The following NFX1 variants were observed in gnomAD, a reference collection of about 807,000 sequenced individuals.
NFX1 encodes the protein transcriptional repressor NF-X1.
Under a neutral mutation model 137.2 loss-of-function variants are expected in NFX1, and 69 were observed. The observed-to-expected ratio is 0.50, with a 90% CI of 0.41 to 0.61. The LOEUF (loss-of-function observed/expected upper bound fraction) is 0.61, where lower values mean the gene tolerates loss of function less well. Among genes scored for constraint, NFX1 ranks in the 20% least tolerant of loss-of-function variants. NFX1 has a pLI of 0.00. For missense variants in NFX1, 1,167 were observed against 1,391.0 expected (o/e 0.84, Z 2.56); for synonymous variants, 495 against 474.1 (o/e 1.04, Z -0.57).
Position 33,309,370 on chromosome 9 carries a change from A to G in NFX1, c.1377-1736A>G, listed in dbSNP as rs865984093. 6.2e-3 allele frequency among the ~76,000 whole-genome samples: 940 copies of G among 152,256 alleles called. 15 individuals are homozygous for G. The highest frequency in any genetic ancestry group is 0.021 in the African/African-American group (868 of 41,548). The stretch of plus-strand genomic sequence containing the variant: ...AGACTCCGTCTCAGAGAAAAAAAAA[A>G]AAAACTTAATCCTCTGCATGGACTA... On this transcript the variant is annotated intron_variant, in intron 5 of 23. Coordinates refer to ENST00000379540, the MANE Select transcript of NFX1 (RefSeq NM_002504.6).
At chr9:33,347,729 G>A (rs540459449) in intron 15 of NFX1, 8 of 426,832 alleles carry the variant, frequency 1.9e-5, no homozygotes, top group South Asian at 8.4e-5. Context: ...ACCTGCACAC[G>A]CATGTTTATA....
chr9:33,292,411 A>T (rs1821195978), intron 1 of NFX1, among the ~76,000 whole-genome samples: 1 of 152,206 alleles, frequency 6.6e-6, no homozygotes, highest in African/African-American at 2.4e-5. Flanking sequence ...TGGACTTTGT[A>T]ATCTGCCAGT....
At chr9:33,341,502 G>A (rs1056217814) in intron 12 of NFX1, among the ~76,000 whole-genome samples, 1 of 152,132 alleles carries the variant, frequency 6.6e-6, no homozygotes, top group South Asian at 2.1e-4. Context: ...AGTACCAATA[G>A]CAAGGTAGTA....
chr9:33,324,384 AAATAAT>A (rs909940405), intron 9 of NFX1, among the ~76,000 whole-genome samples: 1 of 151,986 alleles, frequency 6.6e-6, no homozygotes, highest in Admixed American at 6.6e-5. Flanking sequence ...ATCTCAAAAA[AAATAAT>A]AATAATTAAA....
At chr9:33,351,384 C>G (rs544315830) in intron 15 of NFX1, among the ~76,000 whole-genome samples, 176 bp from the exon 16 acceptor site, 63 of 150,006 alleles carry the variant, frequency 4.2e-4, no homozygotes, top group Admixed American at 8.0e-4. Flanking sequence ...CACCTGAGCC[C>G]CAGGAAAGTC....
intron 9 of NFX1, among the ~76,000 whole-genome samples, chr9:33,324,244 C>A (rs667602): frequency 6.6e-6 from 1 of 151,888 alleles, no homozygotes; most frequent in East Asian, 1.9e-4. Context: ...CTGGGTGTGG[C>A]GGCACACGCC....
In NFX1 at chr9:33,326,846, A is replaced by T. The variant is rs1281325918; in HGVS notation, c.1907-1735A>T. On this transcript the variant is annotated intron_variant, in intron 9 of 23. Transcript: ENST00000379540. ...ATAACATATAGATGTGATATGTATA[A>T]CAATAACTGCACAAAAGGGGAGAAG... is the stretch of plus-strand genomic sequence containing the variant. Among the ~76,000 whole-genome samples the T allele has an allele frequency of 2.0e-5, 3 of 152,216 alleles. No homozygotes were observed. In the East Asian group the frequency reaches 5.8e-4, roughly 29 times the overall value.
chr9:33,343,484 G>A (rs1466032702), intron 13 of NFX1, among the ~76,000 whole-genome samples: 1 of 152,122 alleles, frequency 6.6e-6, no homozygotes, highest in Non-Finnish European at 1.5e-5. Context: ...AAAAAATCCA[G>A]CCTTACACAG....
rs781715242 is a variant in NFX1 at position 33,354,068 on chromosome 9, T to C, written c.2730-18T>C. On this transcript the variant is annotated intron_variant, in intron 17 of 23. Coordinates refer to ENST00000379540, the MANE Select transcript of NFX1 (RefSeq NM_002504.6). ...GAAACTGCAATGCCTCTTTTTCCCT[T>C]TCTTTTTTATATTTCAGAATAGCTG... 8 of 1,565,070 alleles carry C rather than the reference T, an allele frequency of 5.1e-6. No individual in the cohort carries two copies. The highest frequency in any genetic ancestry group is 6.9e-6 in the Non-Finnish European group (8 of 1,155,282).
Position 33,366,686 on chromosome 9 carries a change from A to G in NFX1, c.3097A>G (p.Ile1033Val). 6.2e-7 allele frequency: 1 copy of G among 1,614,248 alleles called. No individual in the cohort carries two copies. Among genetic ancestry groups the G allele is most frequent in the Non-Finnish European group, 8.5e-7 (1 of 1,180,040 alleles). ...FPPMNRDHRR[I>V]IHDLAQVYGL... ...TCCCATGAACAGAGACCACCGCCGGATCATCCATGACTTGGCCCAAGTTTA... is the reference window on the plus strand; with the variant it reads ...TCCCATGAACAGAGACCACCGCCGGGTCATCCATGACTTGGCCCAAGTTTA... The change falls in exon 22 of 24, where the codon ATC (isoleucine) becomes GTC (valine). Residue 1033 changes from isoleucine (I) to valine (V), a missense_variant. By Grantham distance (29) the Ile-to-Val change is conservative. Around this residue, in one of 3 missense-constraint regions of NFX1, gnomAD observed 312 missense variants for 312.8 expected, o/e 1.00. Coordinates refer to ENST00000379540, the MANE Select transcript of NFX1 (RefSeq NM_002504.6).
intron 12 of NFX1, among the ~76,000 whole-genome samples, chr9:33,340,488 G>T (rs1246162446): frequency 6.6e-6 from 1 of 152,234 alleles, no homozygotes; most frequent in Non-Finnish European, 1.5e-5. Flanking sequence ...GGAAGGGGCT[G>T]CCATGAAGAC....
intron 9 of NFX1, among the ~76,000 whole-genome samples, chr9:33,324,197 G>A (rs1822493185): frequency 6.6e-6 from 1 of 152,038 alleles, no homozygotes; most frequent in African/African-American, 2.4e-5. Flanking sequence ...TGGCCAACAT[G>A]GTGAAATCTC....
At chr9:33,339,981 G>C (rs1823158387) in intron 12 of NFX1, among the ~76,000 whole-genome samples, 1 of 152,246 alleles carries the variant, frequency 6.6e-6, no homozygotes, top group Non-Finnish European at 1.5e-5. Flanking sequence ...TTCACAGGCT[G>C]TCATTGAGTG....
chr9:33,354,890 A>C lies in NFX1; in HGVS notation c.2871A>C (p.Lys957Asn). ...CDEECSALER[K>N]KRLAEAFHIS... ...AGGAGTGTTCAGCCTTGGAAAGGAA[A>C]AAGTAAGTAGTTGCAGCTGCTTTTT... Residue 957 changes from lysine (K) to asparagine (N), a missense_variant and splice_region_variant, in exon 19 of 24, where the codon AAA becomes AAC. Physicochemically the swap from Lys to Asn is moderately conservative, Grantham distance 94. This residue lies in a region of NFX1 where 312 missense variants were observed against 312.8 expected (regional missense o/e 1.00). Coordinates refer to ENST00000379540, the MANE Select transcript of NFX1 (RefSeq NM_002504.6). 1.2e-6 allele frequency: 2 copies of C among 1,613,988 alleles called. No homozygotes were observed. The highest frequency in any genetic ancestry group is 1.7e-6 in the Non-Finnish European group (2 of 1,179,966).
chr9:33,340,170 G>A (rs1219309594), intron 12 of NFX1, among the ~76,000 whole-genome samples: 1 of 152,238 alleles, frequency 6.6e-6, no homozygotes, highest in South Asian at 2.1e-4. Context: ...CTCCATGAGA[G>A]CCCCACCCCT....
At chr9:33,325,415 G>A (rs1822545528) in intron 9 of NFX1, among the ~76,000 whole-genome samples, 3 of 101,244 alleles carry the variant, frequency 3.0e-5, no homozygotes, top group Non-Finnish European at 7.6e-5. Context: ...TGTAATCCCA[G>A]CACTTTGAGA....
At chr9:33,360,386 A>G (rs1823950055) in intron 19 of NFX1, among the ~76,000 whole-genome samples, 1 of 152,208 alleles carries the variant, frequency 6.6e-6, no homozygotes, top group African/African-American at 2.4e-5. Context: ...GAGGATTAAT[A>G]CATTAAAAAT....
intron 5 of NFX1, among the ~76,000 whole-genome samples, chr9:33,309,892 A>C (rs997788774): frequency 6.6e-6 from 1 of 152,214 alleles, no homozygotes; most frequent in African/African-American, 2.4e-5. Flanking sequence ...GATTGAGGAG[A>C]TTGAGTCCAG....
chr9:33,295,030 G>T lies in NFX1; in HGVS notation c.636G>T (p.Gly212=). The change falls in exon 2 of 24, where the codon GGG becomes GGT. Residue 212 remains glycine, a synonymous_variant. Transcript: ENST00000379540. ...DAGPESTKPV[G]VFHPDSSEAS... is the part of the protein sequence containing the mutation. ...GACCCGAAAGTACCAAACCTGTGGGGGTTTTCCACCCTGACTCTTCAGAGG... is the reference window on the plus strand; with the variant it reads ...GACCCGAAAGTACCAAACCTGTGGGTGTTTTCCACCCTGACTCTTCAGAGG... 1 of 1,614,144 alleles carries T rather than the reference G, an allele frequency of 6.2e-7. No homozygotes were observed. The highest frequency in any genetic ancestry group is 8.5e-7 in the Non-Finnish European group (1 of 1,180,036).
Sources: gnomAD v4.1 joint callset for allele counts (sites outside exome capture counted in the v4.1 genomes callset) on GRCh38, gnomAD v4.1.1 for gene constraint, gnomAD v4.1.1 regional missense constraint, MANE v1.5 for transcripts, NCBI Gene and HGNC (gene_info 2026-07-23, HGNC 2026-07-21) for gene names.